The following ASIC2 variants were observed in gnomAD, a reference collection of about 807,000 sequenced individuals.
ASIC2 encodes the protein acid sensing ion channel subunit 2, also known as acid-sensing ion channel 2.
In ASIC2, 25 loss-of-function variants were observed where a neutral mutation model predicts 57.3. The ratio of observed to expected loss-of-function variants is 0.44; its 90% CI spans 0.32 to 0.61. The LOEUF (loss-of-function observed/expected upper bound fraction) is 0.61, where lower values mean the gene tolerates loss of function less well. Among genes scored for constraint, ASIC2 ranks in the 20% least tolerant of loss-of-function variants. The pLI, the probability that ASIC2 is intolerant of heterozygous loss-of-function variation, is 0.06. For synonymous variants in ASIC2, 319 were observed against 307.5 expected (o/e 1.04, Z -0.39); for missense variants, 641 against 738.1 (o/e 0.87, Z 1.52).
intron 1 of ASIC2, among the ~76,000 whole-genome samples, chr17:33,490,725 T>C (rs1015681427): frequency 6.6e-6 from 1 of 152,200 alleles, no homozygotes; most frequent in African/African-American, 2.4e-5. Flanking sequence ...CTTTATAAAT[T>C]ACCCAGTCTT....
At chr17:33,515,023 C>T (rs1914524857) in intron 1 of ASIC2, among the ~76,000 whole-genome samples, 2 of 152,214 alleles carry the variant, frequency 1.3e-5, no homozygotes, top group Admixed American at 1.3e-4. Flanking sequence ...GTACTGTGTC[C>T]ACGGATATGT....
intron 7 of ASIC2, among the ~76,000 whole-genome samples, chr17:33,019,402 A>C (rs914691717): frequency 6.6e-6 from 1 of 151,202 alleles, no homozygotes; most frequent in African/African-American, 2.4e-5. Context: ...GTGTGCATGG[A>C]TGTGTCTCTA....
At chr17:33,422,766 C>G (rs991928562) in intron 1 of ASIC2, among the ~76,000 whole-genome samples, 1 of 152,182 alleles carries the variant, frequency 6.6e-6, no homozygotes, top group Non-Finnish European at 1.5e-5. Context: ...CAACTGTTTG[C>G]ATGCTAATCT....
intron 1 of ASIC2, among the ~76,000 whole-genome samples, chr17:33,927,917 C>T (rs1322347750): frequency 1.3e-5 from 2 of 152,180 alleles, no homozygotes; most frequent in African/African-American, 4.8e-5. Flanking sequence ...GGTTGACTCA[C>T]ACACAAACAA....
intron 1 of ASIC2, among the ~76,000 whole-genome samples, chr17:33,801,308 G>T (rs1487077850): frequency 1.3e-5 from 2 of 152,148 alleles, no homozygotes; most frequent in Non-Finnish European, 2.9e-5. Flanking sequence ...AGCCCGCTGG[G>T]ACTAAAATGG....
At chr17:34,098,083 C>T (rs942962311) in intron 1 of ASIC2, among the ~76,000 whole-genome samples, 18 of 152,208 alleles carry the variant, frequency 1.2e-4, no homozygotes, top group Admixed American at 5.2e-4. Flanking sequence ...GTGTCAGGGG[C>T]GGGTTTGGAG....
chr17:33,426,209 C>A (rs1911215122), intron 1 of ASIC2, among the ~76,000 whole-genome samples: 1 of 152,162 alleles, frequency 6.6e-6, no homozygotes, highest in Non-Finnish European at 1.5e-5. Flanking sequence ...GAAGAAATAG[C>A]CCAATGGTTT....
intron 1 of ASIC2, among the ~76,000 whole-genome samples, chr17:34,100,378 C>T (rs1311071010): frequency 6.6e-6 from 1 of 152,120 alleles, no homozygotes. Flanking sequence ...TTATACCCAG[C>T]TCCATGGCAC....
At chr17:33,460,140 T>C (rs925640500) in intron 1 of ASIC2, among the ~76,000 whole-genome samples, 1 of 152,202 alleles carries the variant, frequency 6.6e-6, no homozygotes, top group Non-Finnish European at 1.5e-5. Context: ...GACCTCGGTG[T>C]CCAGATTTGC....
intron 1 of ASIC2, among the ~76,000 whole-genome samples, chr17:33,839,213 G>A (rs761466436): frequency 6.6e-6 from 1 of 152,172 alleles, no homozygotes; most frequent in Non-Finnish European, 1.5e-5. Context: ...CAGAACCTAT[G>A]AAATGCTCCA....
intron 1 of ASIC2, among the ~76,000 whole-genome samples, chr17:33,982,553 T>C (rs916086035): frequency 1.3e-5 from 2 of 152,192 alleles, no homozygotes; most frequent in Admixed American, 1.3e-4. Flanking sequence ...CTTGTCCATA[T>C]TGTCTTCTCT....
intron 1 of ASIC2, among the ~76,000 whole-genome samples, chr17:33,307,949 T>C (rs1906252086): frequency 6.6e-6 from 1 of 152,250 alleles, no homozygotes; most frequent in Non-Finnish European, 1.5e-5. Flanking sequence ...TATCTCATAA[T>C]TGTGCAACGG....
intron 1 of ASIC2, among the ~76,000 whole-genome samples, chr17:33,213,764 GT>G (rs1445918605): frequency 6.6e-6 from 1 of 152,074 alleles, no homozygotes; most frequent in African/African-American, 2.4e-5. Flanking sequence ...CCGATTCTTA[GT>G]TTGTGTCTCT....
intron 1 of ASIC2, among the ~76,000 whole-genome samples, chr17:33,546,599 G>A (rs1915585971): frequency 6.6e-6 from 1 of 152,106 alleles, no homozygotes; most frequent in Admixed American, 6.6e-5. Context: ...CTGAGCCAAT[G>A]TGAGCCCTCC....
intron 1 of ASIC2, among the ~76,000 whole-genome samples, chr17:33,621,405 A>G (rs750091885): frequency 6.6e-6 from 1 of 152,240 alleles, no homozygotes; most frequent in African/African-American, 2.4e-5. Flanking sequence ...CTCTTCTTCA[A>G]ATAGAACGGG....
At chr17:33,341,322 A>G (rs1366864024) in intron 1 of ASIC2, among the ~76,000 whole-genome samples, 1 of 151,852 alleles carries the variant, frequency 6.6e-6, no homozygotes, top group Admixed American at 6.6e-5. Flanking sequence ...CCATGGAGAA[A>G]CTCTTCTTAG....
chr17:33,932,677 C>T lies in ASIC2; in HGVS notation c.555+223301G>A, dbSNP rs529523870. The T allele has an allele frequency of 5.6e-5, 7 of 123,994 alleles. 1 individual carries two copies. In the South Asian group the frequency reaches 2.0e-3, roughly 35 times the overall value. The allele number at this position is 123,994 out of a possible 1,614,324, so 7.7% of individuals were successfully genotyped here. A position where few individuals can be genotyped will look rare whatever the true frequency, so the allele number is the denominator to read the frequency against. On this transcript the variant is annotated intron_variant, in intron 1 of 9. Coordinates refer to the ASIC2 transcript ENST00000359872. ...GCAGTGAGCCAAGATCATACCATTGCACTCCAGCCTGGGCAACAAAAGCGA... is the reference window on the plus strand; with the variant it reads ...GCAGTGAGCCAAGATCATACCATTGTACTCCAGCCTGGGCAACAAAAGCGA...
chr17:33,418,991 T>A (rs557787514), intron 1 of ASIC2, among the ~76,000 whole-genome samples: 1 of 151,998 alleles, frequency 6.6e-6, no homozygotes, highest in Non-Finnish European at 1.5e-5. Flanking sequence ...TTAGGAGAAA[T>A]TCATAATGTA....
chr17:33,685,884 G>T (rs935852529), intron 1 of ASIC2, among the ~76,000 whole-genome samples: 1 of 152,140 alleles, frequency 6.6e-6, no homozygotes, highest in Non-Finnish European at 1.5e-5. Flanking sequence ...AAAGGACCAG[G>T]CAGGAGGTTA....
Sources: allele counts gnomAD v4.1 joint callset (sites outside exome capture counted in the v4.1 genomes callset), GRCh38; gene constraint gnomAD v4.1.1; transcripts MANE v1.5; gene names NCBI Gene and HGNC (gene_info 2026-07-23, HGNC 2026-07-21).